The following ADCK1 variants were observed in gnomAD, a reference collection of about 807,000 sequenced individuals.
ADCK1 encodes aarF domain containing kinase 1, also known as aarF domain-containing protein kinase 1.
ADCK1 carries 41 observed loss-of-function variants against 52.3 expected under a neutral mutation model. That is an observed-to-expected ratio of 0.78 (90% CI 0.61 to 1.02). The LOEUF is 1.02. ADCK1 is among the 50% of genes least tolerant of loss of function. The pLI, the probability that ADCK1 is intolerant of heterozygous loss-of-function variation, is 0.00. For synonymous variants in ADCK1, 250 were observed against 274.6 expected, an observed-to-expected ratio of 0.91 and a Z score of 0.89; for missense variants, 658 against 679.5, an observed-to-expected ratio of 0.97 and a Z score of 0.35.
chr14:77,880,619 G>A (rs2083001864), intron 4 of ADCK1, among the ~76,000 whole-genome samples: 1 of 152,206 alleles, frequency 6.6e-6, no homozygotes, highest in Non-Finnish European at 1.5e-5. Flanking sequence ...AAGGAGTGAG[G>A]AGGGAGAGAG....
chr14:77,912,026 T>G (rs2083802725), intron 7 of ADCK1, among the ~76,000 whole-genome samples: 1 of 152,214 alleles, frequency 6.6e-6, no homozygotes, highest in Non-Finnish European at 1.5e-5. Flanking sequence ...TCTTTTGAGT[T>G]CTGCCACCAT....
intron 1 of ADCK1, among the ~76,000 whole-genome samples, chr14:77,818,180 T>C (rs1334720397): frequency 2.0e-5 from 3 of 152,194 alleles, no homozygotes; most frequent in African/African-American, 7.2e-5. Context: ...TAGTGATGCC[T>C]GTATGTGCAT....
chr14:77,894,736 G>GTTTT lies in ADCK1; in HGVS notation c.583-4339_583-4336dup. Among the ~76,000 whole-genome samples the GTTTT allele has an allele frequency of 5.8e-4, 21 of 36,476 alleles. 4 individuals are homozygous for GTTTT. In the South Asian group the frequency reaches 8.3e-3, roughly 14 times the overall value. 23.9% of individuals were successfully genotyped at this position (36,476 alleles called of 152,430 possible). A position where few individuals can be genotyped will look rare whatever the true frequency, so the allele number is the denominator to read the frequency against. On this transcript the variant is annotated intron_variant, in intron 5 of 10. Coordinates refer to ENST00000238561, the MANE Select transcript of ADCK1 (RefSeq NM_020421.4). ...TTATTTCTTTTTCTTTTCTTTTCTT[G>GTTTT]TTTTTTTTTTTTTTTTTTTTTTTTT...
At chr14:77,857,295 A>G (rs926068674) in intron 3 of ADCK1, among the ~76,000 whole-genome samples, 7 of 152,182 alleles carry the variant, frequency 4.6e-5, no homozygotes, top group African/African-American at 1.7e-4. Flanking sequence ...TCTGGGAGAC[A>G]CAGTGAGACC....
chr14:77,889,966 A>G (rs1331312302), intron 5 of ADCK1, among the ~76,000 whole-genome samples: 2 of 152,190 alleles, frequency 1.3e-5, no homozygotes, highest in South Asian at 2.1e-4. Flanking sequence ...GGTGAGCCCA[A>G]GAGGATAAGT....
intron 3 of ADCK1, among the ~76,000 whole-genome samples, chr14:77,849,228 CCA>C (rs1164583515): frequency 1.3e-5 from 2 of 152,184 alleles, no homozygotes; most frequent in Non-Finnish European, 2.9e-5. Context: ...GCATATGCCA[CCA>C]CACCCAGCAA....
At chr14:77,861,484 G>C in intron 4 of ADCK1, among the ~76,000 whole-genome samples, 1 of 152,032 alleles carries the variant, frequency 6.6e-6, no homozygotes. Flanking sequence ...GACACTTCTC[G>C]GGGAGCAGTC....
chr14:77,908,759 G>C (rs1210622118), intron 7 of ADCK1, among the ~76,000 whole-genome samples: 2 of 152,206 alleles, frequency 1.3e-5, no homozygotes, highest in East Asian at 3.9e-4. Flanking sequence ...ACCAGACCTA[G>C]TCCCCAGAGC....
intron 9 of ADCK1, among the ~76,000 whole-genome samples, chr14:77,929,901 G>A (rs1360930356): frequency 1.1e-4 from 17 of 152,126 alleles, no homozygotes; most frequent in Admixed American, 5.2e-4. Context: ...TCCTGACCTC[G>A]TGATCTGCCC....
intron 5 of ADCK1, among the ~76,000 whole-genome samples, chr14:77,897,661 C>G (rs1053876615): frequency 1.3e-5 from 2 of 152,312 alleles, no homozygotes; most frequent in Admixed American, 6.5e-5. Flanking sequence ...CTCGTCTTAT[C>G]CAGCTTTGTT....
chr14:77,813,261 C>G (rs900634377), intron 1 of ADCK1, among the ~76,000 whole-genome samples: 5 of 151,986 alleles, frequency 3.3e-5, no homozygotes, highest in African/African-American at 1.2e-4. Context: ...CTCGGCCTCC[C>G]AAAGTACTGG....
chr14:77,824,988 A>G lies in ADCK1; in HGVS notation c.219+2470A>G, dbSNP rs184599580. Among the ~76,000 whole-genome samples the G allele has an allele frequency of 1.1e-3, 162 of 152,360 alleles. 2 individuals are homozygous for G. Among genetic ancestry groups the G allele is most frequent in the Non-Finnish European group, 6.9e-4 (47 of 68,040 alleles). On this transcript the variant is annotated intron_variant, in intron 3 of 10. Transcript: ENST00000238561. ...ATTCAAATAGTACATAAATCAAAAT[A>G]TACGGTATTTGAAACATACAAAATG...
chr14:77,900,881 G>C (rs897304028), intron 6 of ADCK1, among the ~76,000 whole-genome samples: 1 of 152,130 alleles, frequency 6.6e-6, no homozygotes, highest in South Asian at 2.1e-4. Flanking sequence ...TGTAATAAGA[G>C]ACACTTAATG....
intron 3 of ADCK1, among the ~76,000 whole-genome samples, chr14:77,854,555 CTTTTT>C (rs60062127): frequency 0.67 from 85,911 of 128,282 alleles, 28,423 homozygotes; most frequent in Middle Eastern, 0.85. Flanking sequence ...TCGGAGTGGG[CTTTTT>C]TTTTTTTTTT....
chr14:77,920,572 G>A (rs183517371), intron 7 of ADCK1, among the ~76,000 whole-genome samples: 1 of 152,214 alleles, frequency 6.6e-6, no homozygotes, highest in East Asian at 1.9e-4. Flanking sequence ...TCTTACTTTG[G>A]CTATGTGGAC....
intron 6 of ADCK1, among the ~76,000 whole-genome samples, chr14:77,905,304 G>GTT (rs58057378): frequency 0.16 from 15,588 of 95,918 alleles, 2,179 homozygotes; most frequent in South Asian, 0.22. Flanking sequence ...TTCCTAGCTG[G>GTT]TTTTTTTTTT....
chr14:77,814,436 A>AAAC (rs2081399385), intron 1 of ADCK1, among the ~76,000 whole-genome samples: 2 of 149,804 alleles, frequency 1.3e-5, no homozygotes, highest in South Asian at 2.1e-4. Flanking sequence ...GAAAAAAAAA[A>AAAC]CAAAAAACAA....
intron 1 of ADCK1, among the ~76,000 whole-genome samples, chr14:77,807,358 G>A (rs560546131): frequency 2.7e-5 from 4 of 149,424 alleles, no homozygotes; most frequent in East Asian, 4.1e-4. Flanking sequence ...GTGAGCCACC[G>A]CGCCCGGCCT....
intron 7 of ADCK1, among the ~76,000 whole-genome samples, chr14:77,921,349 G>GAAA (rs923068399): frequency 1.2e-5 from 1 of 80,396 alleles, no homozygotes; most frequent in Admixed American, 1.1e-4. Flanking sequence ...AAAAAAAAAA[G>GAAA]AAAAAAAAGT....
Sources: gnomAD v4.1 joint callset for allele counts (sites outside exome capture counted in the v4.1 genomes callset) on GRCh38, gnomAD v4.1.1 for gene constraint, MANE v1.5 for transcripts, NCBI Gene and HGNC (gene_info 2026-07-23, HGNC 2026-07-21) for gene names.